The following KANK3 variants were observed in gnomAD, a reference collection of about 807,000 sequenced individuals.
The protein encoded by KANK3 is KN motif and ankyrin repeat domains 3.
In KANK3, 61 loss-of-function variants were observed where a neutral mutation model predicts 65.4. The observed-to-expected ratio is 0.93, with a 90% CI of 0.76 to 1.15. The LOEUF (loss-of-function observed/expected upper bound fraction) is 1.15, where lower values mean the gene tolerates loss of function less well. Among genes scored for constraint, KANK3 ranks in the 50% most tolerant of loss-of-function variants. KANK3 has a pLI of 0.00. For synonymous variants in KANK3, 586 were observed against 543.3 expected, an observed-to-expected ratio of 1.08 and a Z score of -1.09; for missense variants, 1,187 against 1,178.8, an observed-to-expected ratio of 1.01 and a Z score of -0.10.
At chr19:8,334,476 C>A in intron 3 of KANK3, 24 bp downstream of exon 3, 4 of 1,608,812 alleles carry the variant, frequency 2.5e-6, no homozygotes, top group Non-Finnish European at 2.5e-6. Context: ...TAAGCCAGGG[C>A]CCAGCGACGG....
chr19:8,334,282 C>G (rs1970586247), intron 4 of KANK3, 38 bp downstream of exon 4: 1 of 1,611,410 alleles, frequency 6.2e-7, no homozygotes, highest in Non-Finnish European at 8.5e-7. Flanking sequence ...CAGTCTATGT[C>G]CCGGCAGAAG....
rs1446298783 is a variant in KANK3, at chr19:8,332,841, TAA to T, written c.1936+171_1936+172del. 1.4e-5 allele frequency: 5 copies of T among 358,034 alleles called. No homozygotes were observed. The Admixed American group carries it at 1.4e-4, about 10-fold the overall frequency. 22.2% of individuals were successfully genotyped at this position (358,034 alleles called of 1,614,324 possible). ...AAAAATAAAATAAAATAAAATAAAA[TAA>T]AATAAAATAATAAAATTAAAATAAA... On this transcript the variant is annotated intron_variant, in intron 7 of 10. Coordinates refer to ENST00000330915, the MANE Select transcript of KANK3 (RefSeq NM_198471.3).
chr19:8,336,394 A>C (rs1599651470), intron 2 of KANK3, among the ~76,000 whole-genome samples: 1 of 149,902 alleles, frequency 6.7e-6, no homozygotes, highest in Non-Finnish European at 1.5e-5. Flanking sequence ...CCGAGATCGC[A>C]CCAATGCACT....
At chr19:8,326,754 G>A (rs976941341) in intron 7 of KANK3, among the ~76,000 whole-genome samples, 5 of 149,336 alleles carry the variant, frequency 3.3e-5, no homozygotes, top group South Asian at 4.2e-4. Context: ...CCGAGATTGC[G>A]CCACTGCACT....
Position 8,328,309 on chromosome 19 carries a change from G to A in KANK3, c.1937-3213C>T, listed in dbSNP as rs556838648. 1.4e-4 allele frequency among the ~76,000 whole-genome samples: 21 copies of A among 151,728 alleles called. No homozygotes were observed. The Middle Eastern group carries it at 0.01, about 74-fold the overall frequency. ...TCATCCCCTGGTTGTCTTCTGCTAC[G>A]GCCCTTACTAGCATTTGAAATTATT... is the stretch of plus-strand genomic sequence containing the variant. On this transcript the variant is annotated intron_variant, in intron 7 of 10. Coordinates refer to ENST00000330915, the MANE Select transcript of KANK3 (RefSeq NM_198471.3).
chr19:8,324,069 A>G (rs2913945), intron 10 of KANK3, among the ~76,000 whole-genome samples: 1 of 152,018 alleles, frequency 6.6e-6, no homozygotes, highest in Non-Finnish European at 1.5e-5. Context: ...CCCCTTGAGG[A>G]CTCAGTCTCA....
chr19:8,334,652 C>T lies in KANK3; in HGVS notation c.1175G>A (p.Gly392Glu), dbSNP rs768388239. Residue 392 changes from glycine (G) to glutamate (E), a missense_variant, in exon 3 of 11, where the codon GGG (glycine) becomes GAG (glutamate). This residue lies in a region of KANK3 where 1,078 missense variants were observed against 1,038.2 expected (regional missense o/e 1.04). Transcript: ENST00000330915. ...GGCCTCGCGTAGCTGGGCCCGGGCC[C>T]CCGCCGCTGCCTCCTCCGCAGCCTC... ...AREAAEEAAA[G>E]ARAQLREATT... is the part of the protein sequence containing the mutation. 1.1e-5 allele frequency: 17 copies of T among 1,540,000 alleles called. No homozygotes were observed. In the Admixed American group the frequency reaches 3.3e-4, roughly 30 times the overall value.
chr19:8,324,531 A>G lies in KANK3; in HGVS notation c.2300T>C (p.Leu767Pro). 6.2e-7 allele frequency: 1 copy of G among 1,613,822 alleles called. No homozygotes were observed. The highest frequency in any genetic ancestry group is 1.3e-5 in the African/African-American group (1 of 75,068). The change falls in exon 10 of 11, where the codon CTG becomes CCG. Residue 767 changes from leucine to proline, a missense_variant. Physicochemically the swap from Leu to Pro is moderately conservative, Grantham distance 98. Coordinates refer to ENST00000330915, the MANE Select transcript of KANK3 (RefSeq NM_198471.3). ...CTGCTCAGCCTCCAGGGCGATGGCC[A>G]GGGCACTGGTGCCCTCCTGTGGAAC... ...AILDNEGTSA[L>P]AIALEAEQDE...
At chr19:8,341,167 C>T (rs1245358752) in intron 1 of KANK3, among the ~76,000 whole-genome samples, 2 of 151,612 alleles carry the variant, frequency 1.3e-5, no homozygotes, top group Admixed American at 6.6e-5. Flanking sequence ...ATAATAACAA[C>T]GCTTTTGATA....
At position 8,333,242 on chromosome 19, in the gene KANK3, A is replaced by C. The variant is rs1287279199; in HGVS notation, c.1720-12T>G. 3 of 1,600,216 alleles carry C rather than the reference A, an allele frequency of 1.9e-6. No individual in the cohort carries two copies. On this transcript the variant is annotated splice_polypyrimidine_tract_variant and intron_variant, in intron 6 of 10. Transcript: ENST00000330915. This position sits in a 1 kb window ranked among gnomAD's most constrained non-coding sequence, Gnocchi z 5.0. ...AGGCGCACTGCGCCCTGCAAGGGAC[A>C]GGGGCCAAGATAACATCGGCGATGG...
chr19:8,332,987 T>TGGGGGGCCC, intron 7 of KANK3, 27 bp downstream of exon 7: 3 of 395,198 alleles, frequency 7.6e-6, no homozygotes, highest in East Asian at 6.5e-5. Context: ...TTTCCTGGTG[T>TGGGGGGCCC]CCCACCCACC....
Position 8,334,661 on chromosome 19 carries a change from G to A in KANK3, c.1166C>T (p.Ala389Val). The change falls in exon 3 of 11, where the codon GCA (alanine) becomes GTA (valine). Residue 389 changes from alanine to valine, a missense_variant. Around this residue, in one of 3 missense-constraint regions of KANK3, gnomAD observed 1,078 missense variants for 1,038.2 expected, o/e 1.04. Coordinates refer to ENST00000330915, the MANE Select transcript of KANK3 (RefSeq NM_198471.3). ...LEEAREAAEE[A>V]AAGARAQLRE... The stretch of plus-strand genomic sequence containing the variant: ...TAGCTGGGCCCGGGCCCCCGCCGCT[G>A]CCTCCTCCGCAGCCTCGCGGGCTTC... 3.2e-6 allele frequency: 5 copies of A among 1,539,954 alleles called. No homozygotes were observed. The highest frequency in any genetic ancestry group is 4.3e-6 in the Non-Finnish European group (5 of 1,149,914).
chr19:8,333,050 C>T lies in KANK3; in HGVS notation c.1900G>A (p.Gly634Arg), dbSNP rs757694831. 7 of 1,458,034 alleles carry T rather than the reference C, an allele frequency of 4.8e-6. No individual in the cohort carries two copies. The South Asian group carries it at 5.6e-5, about 12-fold the overall frequency. 90.3% of individuals were successfully genotyped at this position (1,458,034 alleles called of 1,614,324 possible). A position where few individuals can be genotyped will look rare whatever the true frequency, so the allele number is the denominator to read the frequency against. The change falls in exon 7 of 11, where the codon GGG becomes AGG. Residue 634 changes from glycine (G) to arginine (R), a missense_variant. Coordinates refer to ENST00000330915, the MANE Select transcript of KANK3 (RefSeq NM_198471.3). This position sits in a 1 kb window ranked among gnomAD's most constrained non-coding sequence, Gnocchi z 5.0. Reference protein sequence around the residue: ...NTALHYSVSHGNLAIASLLLD... With the variant: ...NTALHYSVSHRNLAIASLLLD... ...AGCAGGCTTGCGATGGCCAGGTTCC[C>T]GTGGGACACACTGTAGTGCAGGGCC...
rs779009962 is a variant in KANK3 at position 8,333,278 on chromosome 19, C to A, written c.1720-48G>T. On this transcript the variant is annotated intron_variant, in intron 6 of 10. Coordinates refer to ENST00000330915, the MANE Select transcript of KANK3 (RefSeq NM_198471.3). The surrounding 1 kb of genome is among the most constrained non-coding windows in gnomAD (Gnocchi z 5.0). ...TAACATCGGCGATGGTCCACGGCGG[C>A]GCCGTGGTGGGGGAGCTGGGGAGGG... The A allele has an allele frequency of 8.7e-6, 13 of 1,492,840 alleles. No homozygotes were observed. Among genetic ancestry groups the A allele is most frequent in the Middle Eastern group, 2.3e-4 (1 of 4,398 alleles). 92.5% of individuals were successfully genotyped at this position (1,492,840 alleles called of 1,614,324 possible).
At position 8,335,368 on chromosome 19, in the gene KANK3, G is replaced by A. The variant is rs1210418184; in HGVS notation, c.459C>T (p.Pro153=). The stretch of plus-strand genomic sequence containing the variant: ...GTGGGCTGCGCGGGACCCCGCGGCC[G>A]GGGCTGGGCGCGCGCTCGTGTGTCT... ...LAQTHERAPS[P]GRGVPRSPRG... The change falls in exon 3 of 11, where the codon CCC becomes CCT. Residue 153 remains proline (P), a synonymous_variant. Transcript: ENST00000330915. 1 of 1,196,196 alleles carries A rather than the reference G, an allele frequency of 8.4e-7. No individual in the cohort carries two copies. Among genetic ancestry groups the A allele is most frequent in the Non-Finnish European group, 1.0e-6 (1 of 965,458 alleles). The allele number at this position is 1,196,196 out of a possible 1,614,324, so 74.1% of individuals were successfully genotyped here.
At chr19:8,325,281 A>C (rs1970405457) in intron 7 of KANK3, among the ~76,000 whole-genome samples, 185 bp from the exon 8 acceptor site, 1 of 126,504 alleles carries the variant, frequency 7.9e-6, no homozygotes, top group African/African-American at 3.0e-5. Context: ...TCAGTGAAGG[A>C]CCTTCCTGTT....
At chr19:8,328,926 T>G (rs931234931) in intron 7 of KANK3, among the ~76,000 whole-genome samples, 2 of 151,732 alleles carry the variant, frequency 1.3e-5, no homozygotes, top group Non-Finnish European at 2.9e-5. Flanking sequence ...TCCCAGCACT[T>G]TGGGAGGCTG....
At position 8,334,487 on chromosome 19, in the gene KANK3, G is replaced by A. The variant is rs975302281; in HGVS notation, c.1327+13C>T. On this transcript the variant is annotated intron_variant, in intron 3 of 10. Coordinates refer to ENST00000330915, the MANE Select transcript of KANK3 (RefSeq NM_198471.3). ...CGAGTAAGCCAGGGCCCAGCGACGG[G>A]GTCGGGACTCACCCGCGGGCGCCAC... The A allele has an allele frequency of 3.1e-6, 5 of 1,607,172 alleles. No homozygotes were observed. Among genetic ancestry groups the A allele is most frequent in the Non-Finnish European group, 4.2e-6 (5 of 1,179,724 alleles).
chr19:8,341,378 C>A (rs952769423), intron 1 of KANK3, among the ~76,000 whole-genome samples: 11 of 151,872 alleles, frequency 7.2e-5, no homozygotes, highest in Non-Finnish European at 1.5e-5. Flanking sequence ...GAATGGACCT[C>A]TACACCTGGC....
Sources: gnomAD v4.1 joint callset for allele counts (sites outside exome capture counted in the v4.1 genomes callset) on GRCh38, gnomAD v4.1.1 for gene constraint, gnomAD v4.1.1 regional missense constraint, Gnocchi (gnomAD v3.1) non-coding constraint, MANE v1.5 for transcripts, NCBI Gene and HGNC (gene_info 2026-07-23, HGNC 2026-07-21) for gene names.